The following TCERG1 variants were observed in gnomAD, a reference collection of about 807,000 sequenced individuals.
TCERG1 encodes the protein transcription elongation regulator 1.
TCERG1 carries 37 observed loss-of-function variants against 144.7 expected under a neutral mutation model. That is an observed-to-expected ratio of 0.26 (90% CI 0.20 to 0.34). The LOEUF (loss-of-function observed/expected upper bound fraction) is 0.34, where lower values mean the gene tolerates loss of function less well. Among genes scored for constraint, TCERG1 ranks in the 10% least tolerant of loss-of-function variants. TCERG1 has a pLI of 1.00. For synonymous variants in TCERG1, 492 were observed against 458.2 expected (o/e 1.07, Z -0.94); for missense variants, 1,027 against 1,380.7 (o/e 0.74, Z 4.06).
chr5:146,452,720 G>A (rs561561601), intron 1 of TCERG1, among the ~76,000 whole-genome samples: 14 of 152,270 alleles, frequency 9.2e-5, no homozygotes, highest in African/African-American at 3.4e-4. Flanking sequence ...CTCCCAAGTA[G>A]CTGAGATTAC....
intron 1 of TCERG1, among the ~76,000 whole-genome samples, chr5:146,454,037 CAAAAAAAAAA>C (rs56657111): frequency 0.011 from 1,430 of 129,788 alleles, 15 homozygotes; most frequent in Non-Finnish European, 0.017. Context: ...TACTCAAATA[CAAAAAAAAAA>C]AAAAAAAAAA....
intron 4 of TCERG1, 107 bp from the exon 5 acceptor site, chr5:146,463,444 A>G (rs558138329): frequency 2.0e-6 from 3 of 1,510,942 alleles, no homozygotes; most frequent in Non-Finnish European, 2.7e-6. Context: ...TGCAGTGCAT[A>G]GAATGGTCCC....
chr5:146,479,953 A>G (rs775241442), intron 11 of TCERG1, 42 bp downstream of exon 11: 1 of 1,609,564 alleles, frequency 6.2e-7, no homozygotes, highest in South Asian at 1.1e-5. Context: ...TTTTAATACT[A>G]TTAAAGCAAG....
At chr5:146,480,815 T>A (rs949398553) in intron 12 of TCERG1, among the ~76,000 whole-genome samples, 1 of 151,968 alleles carries the variant, frequency 6.6e-6, no homozygotes, top group Non-Finnish European at 1.5e-5. Flanking sequence ...GTAGTTCTTT[T>A]AAAAAAAATT....
intron 4 of TCERG1, 148 bp from the exon 5 acceptor site, chr5:146,463,403 T>G: frequency 9.1e-7 from 1 of 1,094,340 alleles, no homozygotes; most frequent in Non-Finnish European, 1.3e-6. Context: ...TTTTCAAGCT[T>G]CTTGAAGATA....
At chr5:146,505,384 G>A (rs1423061745) in intron 19 of TCERG1, 1 of 152,158 alleles carries the variant, frequency 6.6e-6, no homozygotes, top group Admixed American at 6.6e-5. Flanking sequence ...TTTACTCCCA[G>A]CAGTTTCCTA....
At chr5:146,480,991 T>C (rs996477551) in intron 12 of TCERG1, among the ~76,000 whole-genome samples, 159 bp from the exon 13 acceptor site, 1 of 151,602 alleles carries the variant, frequency 6.6e-6, no homozygotes, top group Non-Finnish European at 1.5e-5. Flanking sequence ...AAAAAAAACC[T>C]AGAATAAGAC....
At chr5:146,495,570 T>C (rs181238682) in intron 16 of TCERG1, among the ~76,000 whole-genome samples, 25 of 152,334 alleles carry the variant, frequency 1.6e-4, no homozygotes, top group Non-Finnish European at 3.4e-4. Context: ...GGATATTGAT[T>C]AGTATTGGTT....
At chr5:146,448,813 A>C (rs1220451941) in intron 1 of TCERG1, among the ~76,000 whole-genome samples, 3 of 152,204 alleles carry the variant, frequency 2.0e-5, no homozygotes, top group Admixed American at 6.5e-5. Flanking sequence ...AATATTAGCG[A>C]TGCCAAGTTT....
chr5:146,468,585 T>G (rs762090738), intron 6 of TCERG1, among the ~76,000 whole-genome samples, 182 bp downstream of exon 6: 3 of 152,210 alleles, frequency 2.0e-5, no homozygotes, highest in Non-Finnish European at 4.4e-5. Context: ...CAATTGCCTG[T>G]AGTATTAGCT....
Position 146,455,179 on chromosome 5 carries a change from A to G in TCERG1, c.183A>G (p.Pro61=). The G allele has an allele frequency of 6.2e-7, 1 of 1,614,144 alleles. No individual in the cohort carries two copies. Among genetic ancestry groups the G allele is most frequent in the South Asian group, 1.1e-5 (1 of 91,072 alleles). Residue 61 remains proline (P), a synonymous_variant, in exon 2 of 23, where the codon CCA becomes CCG. Transcript: ENST00000679501. ...PPFGMMRGPP[P]PPRPPFGRPP... ...TTGGTATGATGCGAGGCCCTCCTCC[A>G]CCACCACGGCCGCCCTTTGGACGTC...
At chr5:146,495,681 G>GT (rs1465177254) in intron 16 of TCERG1, among the ~76,000 whole-genome samples, 2 of 152,104 alleles carry the variant, frequency 1.3e-5, no homozygotes, top group Non-Finnish European at 2.9e-5. Context: ...GATGTTTTAA[G>GT]TTCTAAATTG....
rs746604780 is a variant in TCERG1 at position 146,470,735 on chromosome 5, A to G, written c.1499A>G (p.Lys500Arg). The G allele has an allele frequency of 6.8e-6, 11 of 1,610,758 alleles. No individual in the cohort carries two copies. The highest frequency in any genetic ancestry group is 4.4e-5 in the South Asian group (4 of 90,228). ...EEEDPKEEPIKEIKEEPKEEE... is the reference protein window; with the variant it reads ...EEEDPKEEPIREIKEEPKEEE... Reference sequence around the variant, plus strand: ...GAGGATCCTAAAGAAGAGCCTATAAAGGAGATAAAGGAGGTAAAGGGCCAT... The same window carrying G: ...GAGGATCCTAAAGAAGAGCCTATAAGGGAGATAAAGGAGGTAAAGGGCCAT... The change falls in exon 8 of 23, where the codon AAG becomes AGG. Residue 500 changes from lysine to arginine, a missense_variant. This residue lies in a region of TCERG1 where 482 missense variants were observed against 632.6 expected (regional missense o/e 0.76). Transcript: ENST00000679501.
At chr5:146,447,986 T>G (rs1762038611) in intron 1 of TCERG1, among the ~76,000 whole-genome samples, 1 of 152,230 alleles carries the variant, frequency 6.6e-6, no homozygotes, top group Non-Finnish European at 1.5e-5. Context: ...CCTGTAGTTG[T>G]GAGTAACAAC....
chr5:146,459,710 GT>G (rs1257797315), intron 4 of TCERG1, among the ~76,000 whole-genome samples: 7 of 152,184 alleles, frequency 4.6e-5, no homozygotes, highest in African/African-American at 1.7e-4. Flanking sequence ...TTAGATATTG[GT>G]GTGCAAAACT....
chr5:146,451,218 C>T (rs536945099), intron 1 of TCERG1, among the ~76,000 whole-genome samples: 14 of 151,994 alleles, frequency 9.2e-5, no homozygotes, highest in Admixed American at 6.6e-4. Flanking sequence ...TTTTTTTGCC[C>T]TAAAAGTTTG....
At chr5:146,453,089 C>A (rs989871917) in intron 1 of TCERG1, among the ~76,000 whole-genome samples, 2 of 152,278 alleles carry the variant, frequency 1.3e-5, no homozygotes, top group Non-Finnish European at 2.9e-5. Context: ...GTTAATAATT[C>A]TCTTTACAAA....
chr5:146,447,503 G>C (rs1761962712), intron 1 of TCERG1, 95 bp downstream of exon 1: 1 of 1,494,308 alleles, frequency 6.7e-7, no homozygotes, highest in Admixed American at 2.3e-5. Context: ...CGGACGGTGG[G>C]TAGCGGAGCC....
At chr5:146,483,381 T>C (rs1473349083) in intron 14 of TCERG1, among the ~76,000 whole-genome samples, 159 bp from the exon 15 acceptor site, 2 of 152,196 alleles carry the variant, frequency 1.3e-5, no homozygotes, top group Non-Finnish European at 2.9e-5. Flanking sequence ...AATTTGCTAT[T>C]GCTAGCCTCC....
Sources: gnomAD v4.1 joint callset for allele counts (sites outside exome capture counted in the v4.1 genomes callset) on GRCh38, gnomAD v4.1.1 for gene constraint, gnomAD v4.1.1 regional missense constraint, MANE v1.5 for transcripts, NCBI Gene and HGNC (gene_info 2026-07-23, HGNC 2026-07-21) for gene names.